INTS6: variants seen among roughly 807,000 people sequenced by gnomAD.
The protein encoded by INTS6 is DEAD box protein.
INTS6 carries 16 observed loss-of-function variants against 104.9 expected under a neutral mutation model. The ratio of observed to expected loss-of-function variants is 0.15; its 90% CI spans 0.10 to 0.23. The LOEUF is 0.23. INTS6 is among the 10% of genes least tolerant of loss of function. The pLI is 1.00. For missense variants in INTS6, 584 were observed against 1,062.8 expected (o/e 0.55, Z 6.26); for synonymous variants, 324 against 358.7 (o/e 0.90, Z 1.09).
At chr13:51,398,860 A>T (rs1474928839) in intron 4 of INTS6, among the ~76,000 whole-genome samples, 1 of 152,226 alleles carries the variant, frequency 6.6e-6, no homozygotes, top group African/African-American at 2.4e-5. Context: ...TGAAATGAAT[A>T]AACTAGAACT....
intron 3 of INTS6, chr13:51,445,188 C>G (rs1473910720): frequency 6.6e-6 from 1 of 152,138 alleles, no homozygotes; most frequent in Non-Finnish European, 1.5e-5. Context: ...GAATGACTTT[C>G]TGACTTATCT....
chr13:51,353,549 C>T (rs1166823238), downstream of INTS6, among the ~76,000 whole-genome samples: 1 of 152,200 alleles, frequency 6.6e-6, no homozygotes, highest in East Asian at 1.9e-4. Context: ...TTCCCAAGTC[C>T]ATGCTCATAA....
chr13:51,374,912 A>G (rs925796484), intron 13 of INTS6, 116 bp from the exon 14 acceptor site: 2 of 1,052,942 alleles, frequency 1.9e-6, no homozygotes, highest in Non-Finnish European at 2.7e-6. Context: ...TTACCAACAT[A>G]TTCTAAATTT....
At chr13:51,337,441 T>C in the INTS6 span, among the ~76,000 whole-genome samples, 5 of 152,134 alleles carry the variant, frequency 3.3e-5, no homozygotes, top group African/African-American at 1.2e-4. Context: ...TCCTGGTAAA[T>C]GTGGGCAAAG....
chr13:51,360,816 A>G (rs925437689), downstream of INTS6, among the ~76,000 whole-genome samples: 1 of 152,038 alleles, frequency 6.6e-6, no homozygotes, highest in African/African-American at 2.4e-5. Context: ...CTTAAAGTGC[A>G]GTCCAAAAAG....
At chr13:51,365,926 G>A in intron 17 of INTS6, 81 bp from the exon 18 acceptor site, 1 of 694,674 alleles carries the variant, frequency 1.4e-6, no homozygotes, top group Non-Finnish European at 2.3e-6. Context: ...AGAAAGGAGA[G>A]AAAATTTTGG....
intron 3 of INTS6, chr13:51,444,506 T>C (rs888541068): frequency 1.3e-5 from 2 of 151,718 alleles, no homozygotes; most frequent in African/African-American, 4.8e-5. Context: ...CCCAGCACTT[T>C]GGGAGGCCGA....
chr13:51,383,422 G>A lies in INTS6; in HGVS notation c.1087C>T (p.His363Tyr). 1 of 1,613,962 alleles carries A rather than the reference G, an allele frequency of 6.2e-7. No homozygotes were observed. Among genetic ancestry groups the A allele is most frequent in the Non-Finnish European group, 8.5e-7 (1 of 1,179,938 alleles). The change falls in exon 9 of 18, where the codon CAT (histidine) becomes TAT (tyrosine). Residue 363 changes from histidine to tyrosine, a missense_variant. Transcript: ENST00000311234. Reference protein sequence around the residue: ...SNSAKYSELGHPFGYLKASTA... With the variant: ...SNSAKYSELGYPFGYLKASTA... ...CTGGCTTTCAAGTAACCAAAAGGAT[G>A]ACCAAGTTCACTGTATTTTGCACTA...
At chr13:51,358,847 G>A (rs1202783077), downstream of INTS6, among the ~76,000 whole-genome samples, 2 of 151,996 alleles carry the variant, frequency 1.3e-5, no homozygotes, top group African/African-American at 2.4e-5. Context: ...AGGAGCAAGC[G>A]AGTTTATGGT....
chr13:51,351,396 CTAA>C (rs1162541114), downstream of INTS6, among the ~76,000 whole-genome samples: 1 of 152,110 alleles, frequency 6.6e-6, no homozygotes, highest in Non-Finnish European at 1.5e-5. Context: ...TCCCTAATGA[CTAA>C]TGAGGTAGAG....
chr13:51,357,529 C>T, downstream of INTS6, among the ~76,000 whole-genome samples: 1 of 152,084 alleles, frequency 6.6e-6, no homozygotes, highest in South Asian at 2.1e-4. Flanking sequence ...GTCCCAAAGC[C>T]CAGAATCATT....
At chr13:51,407,207 A>T (rs781412101) in intron 4 of INTS6, among the ~76,000 whole-genome samples, 13 of 152,216 alleles carry the variant, frequency 8.5e-5, no homozygotes, top group Admixed American at 2.6e-4. Context: ...ACCAGATCTA[A>T]TTCATTATAA....
intron 3 of INTS6, chr13:51,442,684 A>T (rs1396439666): frequency 6.6e-6 from 1 of 152,480 alleles, no homozygotes; most frequent in African/African-American, 2.4e-5. Context: ...AGATTCTCAT[A>T]GGAGCACAAA....
intron 4 of INTS6, among the ~76,000 whole-genome samples, chr13:51,424,110 G>A (rs966904916): frequency 6.6e-6 from 1 of 152,000 alleles, no homozygotes; most frequent in Non-Finnish European, 1.5e-5. Context: ...TTGGATAATA[G>A]AAACATCTCT....
chr13:51,426,194 T>A (rs992218432), intron 4 of INTS6, among the ~76,000 whole-genome samples: 16 of 152,232 alleles, frequency 1.1e-4, no homozygotes, highest in African/African-American at 2.6e-4. Flanking sequence ...ATTACTTTTC[T>A]TTCCTAACTC....
At position 51,364,354 on chromosome 13, in the gene INTS6, T is replaced by C. The variant is rs1012295215; in HGVS notation, c.*1398A>G. 4.9e-6 allele frequency: 4 copies of C among 821,774 alleles called. No individual in the cohort carries two copies. Among genetic ancestry groups the C allele is most frequent in the Non-Finnish European group, 7.3e-6 (4 of 547,002 alleles). The allele number at this position is 821,774 out of a possible 1,614,324, so 50.9% of individuals were successfully genotyped here. A position where few individuals can be genotyped will look rare whatever the true frequency, so the allele number is the denominator to read the frequency against. On this transcript the variant is annotated 3_prime_UTR_variant, in exon 18 of 18. Transcript: ENST00000311234. ...ATTTCATTTTGCTATACCCTTGAAA[T>C]TTAAAAAAATGTCTGATAAAGTGTA...
chr13:51,348,476 C>A, the INTS6 span: 1 of 1,391,716 alleles, frequency 7.2e-7, no homozygotes, highest in Non-Finnish European at 1.0e-6. Flanking sequence ...TGGATTTGCA[C>A]ACAGGTGGTC....
downstream of INTS6, among the ~76,000 whole-genome samples, chr13:51,356,782 C>CT (rs10563020): frequency 1.9e-3 from 275 of 147,056 alleles, no homozygotes; most frequent in South Asian, 4.3e-3. Flanking sequence ...GATACGAAAC[C>CT]TTTTTTTTTT....
rs532779778 is a variant in INTS6 at position 51,452,547 on chromosome 13, G to C, written c.-22C>G. ...GCATAGTGCTGGCCGGGGACACCGG[G>C]GCCCGAGGTGGTGGAGAAAGAGGAG... is the stretch of plus-strand genomic sequence containing the variant. On this transcript the variant is annotated 5_prime_UTR_variant, in exon 1 of 18. Coordinates refer to ENST00000311234, the MANE Select transcript of INTS6 (RefSeq NM_012141.3). The surrounding 1 kb of genome is among the most constrained non-coding windows in gnomAD (Gnocchi z 4.2). 1 of 1,607,568 alleles carries C rather than the reference G, an allele frequency of 6.2e-7. No homozygotes were observed. Among genetic ancestry groups the C allele is most frequent in the African/African-American group, 1.3e-5 (1 of 74,748 alleles).
Sources: allele counts gnomAD v4.1 joint callset (sites outside exome capture counted in the v4.1 genomes callset), GRCh38; gene constraint gnomAD v4.1.1; non-coding constraint Gnocchi (gnomAD v3.1); transcripts MANE v1.5; gene names NCBI Gene and HGNC (gene_info 2026-07-23, HGNC 2026-07-21).